SUSD4: variants seen among roughly 807,000 people sequenced by gnomAD.
The protein encoded by SUSD4 is sushi domain containing 4.
In SUSD4, 41 loss-of-function variants were observed where a neutral mutation model predicts 50.5. The ratio of observed to expected loss-of-function variants is 0.81; its 90% CI spans 0.63 to 1.05. SUSD4 has a LOEUF of 1.05. SUSD4 is among the 50% of genes least tolerant of loss of function. The pLI, the probability that SUSD4 is intolerant of heterozygous loss-of-function variation, is 0.00. For synonymous variants in SUSD4, 257 were observed against 257.3 expected, an observed-to-expected ratio of 1.00 and a Z score of 0.01; for missense variants, 580 against 634.7, an observed-to-expected ratio of 0.91 and a Z score of 0.93.
At chr1:223,234,852 C>T (rs1558168204) in intron 5 of SUSD4, 1 of 1,424,776 alleles carries the variant, frequency 7.0e-7, no homozygotes, top group Non-Finnish European at 9.2e-7. Context: ...GTTGGTTCTT[C>T]CCTTGATGCA....
At chr1:223,347,117 T>C (rs1158274465) in intron 2 of SUSD4, among the ~76,000 whole-genome samples, 3 of 152,200 alleles carry the variant, frequency 2.0e-5, no homozygotes, top group East Asian at 3.8e-4. Flanking sequence ...ATGGGGTACA[T>C]GAAATGTTTT....
intron 5 of SUSD4, among the ~76,000 whole-genome samples, chr1:223,236,002 C>G (rs1276576214): frequency 6.6e-6 from 1 of 152,200 alleles, no homozygotes; most frequent in Non-Finnish European, 1.5e-5. Context: ...GTTCCTGTTG[C>G]TCCACATCCT....
At chr1:223,235,107 A>C (rs748053171) in intron 5 of SUSD4, 1 of 1,594,660 alleles carries the variant, frequency 6.3e-7, no homozygotes, top group Non-Finnish European at 8.5e-7. Flanking sequence ...CCTCCTGAAA[A>C]AAAGAAGTGT....
chr1:223,294,808 C>T (rs1469251444), intron 2 of SUSD4, among the ~76,000 whole-genome samples: 12 of 152,152 alleles, frequency 7.9e-5, no homozygotes, highest in Non-Finnish European at 1.8e-4. Context: ...CCCAATAATA[C>T]AAGTTGTGTT....
intron 5 of SUSD4, among the ~76,000 whole-genome samples, chr1:223,237,393 G>A (rs1118312): frequency 0.16 from 24,116 of 151,890 alleles, 2,161 homozygotes; most frequent in East Asian, 0.27. Context: ...ATGCTGAAAC[G>A]GAGTGATGAG....
intron 5 of SUSD4, among the ~76,000 whole-genome samples, chr1:223,243,115 T>TGGCTCCA (rs1014432767): frequency 6.6e-6 from 1 of 152,058 alleles, no homozygotes; most frequent in Non-Finnish European, 1.5e-5. Context: ...GGGAGCCCTG[T>TGGCTCCA]GGCTCCAGGC....
chr1:223,333,168 A>ACCCACGGGTGCACACC lies in SUSD4; in HGVS notation c.148+30094_148+30109dup, dbSNP rs566020749. Among the ~76,000 whole-genome samples, 494 of 152,198 alleles carry ACCCACGGGTGCACACC rather than the reference A, an allele frequency of 3.2e-3. 4 individuals are homozygous for ACCCACGGGTGCACACC. Among genetic ancestry groups the ACCCACGGGTGCACACC allele is most frequent in the African/African-American group, 0.011 (474 of 41,520 alleles). On this transcript the variant is annotated intron_variant, in intron 2 of 8. Coordinates refer to ENST00000366878, the MANE Select transcript of SUSD4 (RefSeq NM_017982.4). ...ACGGTGACGGCAAAATGGTGCACAC[A>ACCCACGGGTGCACACC]CCCACGGGTGCACACCCTCCTTACT...
chr1:223,256,022 A>C (rs1367780274), intron 5 of SUSD4, among the ~76,000 whole-genome samples: 2 of 152,224 alleles, frequency 1.3e-5, no homozygotes, highest in African/African-American at 4.8e-5. Flanking sequence ...CACATTGTAC[A>C]TCCCTGGTTG....
chr1:223,321,798 T>C (rs558867360), intron 2 of SUSD4, among the ~76,000 whole-genome samples: 1 of 152,350 alleles, frequency 6.6e-6, no homozygotes, highest in South Asian at 2.1e-4. Flanking sequence ...AATATAGTTA[T>C]CAAAATATTT....
chr1:223,222,197 G>GA lies in SUSD4; in HGVS notation c.1467dup (p.Pro490SerfsTer29). ...CATCTGGATCTTGACCCATATTAGG[G>GA]ATCTTCTTCCATTAGAGGAATCTCT... On this transcript the variant is annotated frameshift_variant, in exon 9 of 9. Transcript: ENST00000366878. LOFTEE classifies it high-confidence loss of function. The GA allele has an allele frequency of 6.2e-7, 1 of 1,613,498 alleles. No homozygotes were observed. Among genetic ancestry groups the GA allele is most frequent in the Non-Finnish European group, 8.5e-7 (1 of 1,179,728 alleles).
intron 4 of SUSD4, 21 bp downstream of exon 4, chr1:223,268,481 A>T: frequency 6.2e-7 from 1 of 1,602,454 alleles, no homozygotes; most frequent in Non-Finnish European, 8.5e-7. Context: ...CCAGCTGAGA[A>T]CTGAAGCATC....
At chr1:223,272,775 A>G (rs903868026) in intron 3 of SUSD4, among the ~76,000 whole-genome samples, 1 of 152,162 alleles carries the variant, frequency 6.6e-6, no homozygotes, top group African/African-American at 2.4e-5. Flanking sequence ...AGCATTTGTC[A>G]AGCTTGTTTA....
chr1:223,364,247 T>C (rs1274368002), upstream of SUSD4: 1 of 146,842 alleles, frequency 6.8e-6, no homozygotes, highest in African/African-American at 2.5e-5. This position sits in a 1 kb window ranked among gnomAD's most constrained non-coding sequence, Gnocchi z 4.5. Flanking sequence ...CGGGCGGGTG[T>C]TGGGGGAGGA....
chr1:223,280,804 G>A (rs1002107746), intron 3 of SUSD4, among the ~76,000 whole-genome samples: 3 of 151,960 alleles, frequency 2.0e-5, no homozygotes, highest in African/African-American at 4.8e-5. Flanking sequence ...GCACCACATC[G>A]CACTTATTCC....
chr1:223,241,457 C>T (rs1304659148), intron 5 of SUSD4, among the ~76,000 whole-genome samples: 1 of 152,162 alleles, frequency 6.6e-6, no homozygotes, highest in Non-Finnish European at 1.5e-5. Flanking sequence ...TGGTGGTTTC[C>T]ACCTGTGTAT....
chr1:223,222,051 G>C lies in SUSD4; in HGVS notation c.*141C>G. ...GTTTGTCAGCCTCACTGTGGAGCCT[G>C]AGATGCATAATGTGAACTGTGGTCC... On this transcript the variant is annotated 3_prime_UTR_variant, in exon 9 of 9. Coordinates refer to ENST00000366878, the MANE Select transcript of SUSD4 (RefSeq NM_017982.4). The C allele has an allele frequency of 1.3e-6, 1 of 761,840 alleles. No homozygotes were observed. Among genetic ancestry groups the C allele is most frequent in the Admixed American group, 2.6e-5 (1 of 39,162 alleles). 47.2% of individuals were successfully genotyped at this position (761,840 alleles called of 1,614,324 possible).
At chr1:223,298,874 G>A (rs1252863393) in intron 2 of SUSD4, among the ~76,000 whole-genome samples, 1 of 152,192 alleles carries the variant, frequency 6.6e-6, no homozygotes. Flanking sequence ...TTTCAAGTAA[G>A]CATAGTTAAC....
At chr1:223,270,240 A>G (rs1055822309) in intron 3 of SUSD4, among the ~76,000 whole-genome samples, 2 of 152,062 alleles carry the variant, frequency 1.3e-5, no homozygotes, top group African/African-American at 2.4e-5. Flanking sequence ...CCCTTATCTC[A>G]GCCTTTGTCA....
intron 3 of SUSD4, among the ~76,000 whole-genome samples, chr1:223,282,584 A>G (rs1257097537): frequency 6.6e-6 from 1 of 152,226 alleles, no homozygotes; most frequent in Non-Finnish European, 1.5e-5. Context: ...TCAACGAAAT[A>G]AAAGAGGATA....
Sources: gnomAD v4.1 joint callset for allele counts (sites outside exome capture counted in the v4.1 genomes callset) on GRCh38, gnomAD v4.1.1 for gene constraint, Gnocchi (gnomAD v3.1) non-coding constraint, MANE v1.5 for transcripts, NCBI Gene and HGNC (gene_info 2026-07-23, HGNC 2026-07-21) for gene names.